The following JAKMIP3 variants were observed in gnomAD, a reference collection of about 807,000 sequenced individuals.
The protein encoded by JAKMIP3 is Janus kinase and microtubule interacting protein 3.
JAKMIP3 carries 58 observed loss-of-function variants against 118.5 expected under a neutral mutation model. The ratio of observed to expected loss-of-function variants is 0.49; its 90% CI spans 0.40 to 0.61. The LOEUF (loss-of-function observed/expected upper bound fraction) is 0.61. Among genes scored for constraint, JAKMIP3 ranks in the 20% least tolerant of loss-of-function variants. The probability of loss-of-function intolerance (pLI) is 0.00; values close to 1 mark genes in which losing one functional copy is unlikely to be tolerated. For synonymous variants in JAKMIP3, 486 were observed against 451.2 expected (o/e 1.08, Z -0.98); for missense variants, 950 against 1,109.0 (o/e 0.86, Z 2.04).
intron 9 of JAKMIP3, among the ~76,000 whole-genome samples, chr10:132,139,661 G>A (rs2053059671): frequency 6.6e-6 from 1 of 152,228 alleles, no homozygotes; most frequent in East Asian, 1.9e-4. Context: ...TCTGGGATTT[G>A]GAAGTGTCCA....
chr10:132,163,322 GCA>G lies in JAKMIP3; in HGVS notation c.2335_2336del (p.Gln779ValfsTer8). On this transcript the variant is annotated frameshift_variant, in exon 20 of 24. Coordinates refer to ENST00000684848, the MANE Select transcript of JAKMIP3 (RefSeq NM_001323087.2). LOFTEE classifies it high-confidence loss of function. ...EREKLKVAVE[Q>X]WKRQVMSELR... Reference sequence around the variant, plus strand: ...GCGAGAAGCTCAAGGTGGCCGTGGAGCAGTGGAAGCGCCAGGTCATGAGTGAG... The same window carrying G: ...GCGAGAAGCTCAAGGTGGCCGTGGAGGTGGAAGCGCCAGGTCATGAGTGAG... The G allele has an allele frequency of 6.2e-7, 1 of 1,609,556 alleles. No homozygotes were observed. Among genetic ancestry groups the G allele is most frequent in the Non-Finnish European group, 8.5e-7 (1 of 1,179,204 alleles).
At chr10:132,095,966 A>G (rs904298345) in intron 1 of JAKMIP3, among the ~76,000 whole-genome samples, 5 of 152,076 alleles carry the variant, frequency 3.3e-5, no homozygotes, top group Non-Finnish European at 7.4e-5. Context: ...CCGCCGGCAT[A>G]CTGTCCCATG....
intron 16 of JAKMIP3, among the ~76,000 whole-genome samples, chr10:132,151,129 C>T (rs2056109662): frequency 6.6e-6 from 1 of 152,094 alleles, no homozygotes; most frequent in Non-Finnish European, 1.5e-5. Context: ...TCCATCCTTC[C>T]TTCATCCTCC....
Position 132,180,751 on chromosome 10 carries a change from G to A in JAKMIP3, c.*1104-1606G>A, listed in dbSNP as rs573115600. Among the ~76,000 whole-genome samples, 9 of 24,654 alleles carry A rather than the reference G, an allele frequency of 3.7e-4. 1 individual carries two copies. Among genetic ancestry groups the A allele is most frequent in the African/African-American group, 1.9e-3 (8 of 4,108 alleles). The allele number at this position is 24,654 out of a possible 152,430, so 16.2% of individuals were successfully genotyped here. A position where few individuals can be genotyped will look rare whatever the true frequency, so the allele number is the denominator to read the frequency against. The stretch of plus-strand genomic sequence containing the variant: ...TGTGCGTGTGTGCGTGCGTGCGCGC[G>A]CGTGTGTGCGTGTGTGTGCGTGTGT... On this transcript the variant is annotated intron_variant, in intron 23 of 23. Coordinates refer to ENST00000684848, the MANE Select transcript of JAKMIP3 (RefSeq NM_001323087.2).
chr10:132,127,747 A>G lies in JAKMIP3; in HGVS notation c.634-5565A>G, dbSNP rs550674966. ...ATGGGGTTATCCCATGGGGTTATCC[A>G]ATCATTGTATGGGATTATCTCCTTT... is the stretch of plus-strand genomic sequence containing the variant. On this transcript the variant is annotated intron_variant, in intron 3 of 23. Coordinates refer to ENST00000684848, the MANE Select transcript of JAKMIP3 (RefSeq NM_001323087.2). 6.6e-5 allele frequency among the ~76,000 whole-genome samples: 10 copies of G among 152,148 alleles called. No individual in the cohort carries two copies. The South Asian group carries it at 2.1e-3, about 32-fold the overall frequency.
chr10:132,163,467 G>C, intron 20 of JAKMIP3, 55 bp downstream of exon 20: 1 of 1,487,984 alleles, frequency 6.7e-7, no homozygotes, highest in Non-Finnish European at 9.0e-7. Context: ...GACCTGCACA[G>C]AGCCAGGGGG....
chr10:132,130,464 C>T (rs905245949), intron 3 of JAKMIP3, among the ~76,000 whole-genome samples: 2 of 152,234 alleles, frequency 1.3e-5, no homozygotes, highest in Non-Finnish European at 2.9e-5. Flanking sequence ...AGAGTTGATG[C>T]GGAGGGAGGG....
intron 2 of JAKMIP3, among the ~76,000 whole-genome samples, chr10:132,109,093 C>CATAT (rs199571463): frequency 0.22 from 30,091 of 138,510 alleles, 4,465 homozygotes; most frequent in East Asian, 0.46. Flanking sequence ...TATACACACA[C>CATAT]ATATATATAT....
intron 1 of JAKMIP3, among the ~76,000 whole-genome samples, chr10:132,091,865 A>G (rs911377028): frequency 6.6e-6 from 1 of 152,160 alleles, no homozygotes; most frequent in African/African-American, 2.4e-5. Context: ...TCTTCCTAGC[A>G]TCGATGGTCT....
Position 132,112,171 on chromosome 10 carries a change from G to A in JAKMIP3, c.136-4906G>A, listed in dbSNP as rs1371424756. Among the ~76,000 whole-genome samples the A allele has an allele frequency of 6.6e-6, 1 of 152,138 alleles. No homozygotes were observed. The highest frequency in any genetic ancestry group is 2.4e-5 in the African/African-American group (1 of 41,436). ...GGGGCCGGAGGACATCAAGGACTCTGCGTGAGACAGGACACCGTGGAGCCT... is the reference window on the plus strand; with the variant it reads ...GGGGCCGGAGGACATCAAGGACTCTACGTGAGACAGGACACCGTGGAGCCT... On this transcript the variant is annotated intron_variant, in intron 2 of 23. Coordinates refer to ENST00000684848, the MANE Select transcript of JAKMIP3 (RefSeq NM_001323087.2). The surrounding 1 kb of genome is among the most constrained non-coding windows in gnomAD (Gnocchi z 4.3).
intron 1 of JAKMIP3, among the ~76,000 whole-genome samples, chr10:132,101,506 T>C (rs901820960): frequency 6.6e-6 from 1 of 152,224 alleles, no homozygotes; most frequent in Non-Finnish European, 1.5e-5. Flanking sequence ...AAAAAACTGC[T>C]TCATCTATTT....
chr10:132,066,776 C>G (rs1340239846), intron 1 of JAKMIP3, among the ~76,000 whole-genome samples: 2 of 152,144 alleles, frequency 1.3e-5, no homozygotes, highest in African/African-American at 4.8e-5. Flanking sequence ...TACAGTTGTT[C>G]AAAGAAAATC....
At position 132,139,332 on chromosome 10, in the gene JAKMIP3, TTGTA is replaced by T. The variant is rs1160203015; in HGVS notation, c.1345-1115_1345-1112del. Among the ~76,000 whole-genome samples the T allele has an allele frequency of 3.5e-3, 476 of 137,796 alleles. 7 individuals carry two copies. The highest frequency in any genetic ancestry group is 0.011 in the African/African-American group (394 of 35,212). The allele number at this position is 137,796 out of a possible 152,430, so 90.4% of individuals were successfully genotyped here. The stretch of plus-strand genomic sequence containing the variant: ...AGTGTGTATGTGTATGTGTGTGTGT[TTGTA>T]TGTGTGTACATGTGAGTGTATATGC... On this transcript the variant is annotated intron_variant, in intron 9 of 23. Transcript: ENST00000684848.
At position 132,118,594 on chromosome 10, in the gene JAKMIP3, G is replaced by A. The variant is rs759291971; in HGVS notation, c.633+1020G>A. On this transcript the variant is annotated intron_variant, in intron 3 of 23. Transcript: ENST00000684848. This position sits in a 1 kb window ranked among gnomAD's most constrained non-coding sequence, Gnocchi z 4.8. ...GTGGAACTCCCAGAGAGGGGCAGCC[G>A]CTCTCCACACCCACAGCCAGGAAGG... Among the ~76,000 whole-genome samples, 5 of 152,186 alleles carry A rather than the reference G, an allele frequency of 3.3e-5. No individual in the cohort carries two copies. The highest frequency in any genetic ancestry group is 1.9e-4 in the East Asian group (1 of 5,198).
intron 19 of JAKMIP3, among the ~76,000 whole-genome samples, chr10:132,160,116 CT>C (rs1406693500): frequency 8.8e-5 from 2 of 22,694 alleles, no homozygotes. Flanking sequence ...GCGGTGGCCT[CT>C]TCCTGTGTGA....
chr10:132,100,349 G>A (rs914410895), intron 1 of JAKMIP3, among the ~76,000 whole-genome samples: 3 of 152,208 alleles, frequency 2.0e-5, no homozygotes, highest in Non-Finnish European at 4.4e-5. Flanking sequence ...TGAAGCCCAT[G>A]CCACACCCAA....
intron 23 of JAKMIP3, among the ~76,000 whole-genome samples, chr10:132,180,656 T>TGTGC (rs1554963087): frequency 4.3e-4 from 7 of 16,336 alleles, no homozygotes; most frequent in African/African-American, 5.0e-4. Flanking sequence ...CGTGTGCGTG[T>TGTGC]GCGTGTGTGC....
intron 1 of JAKMIP3, among the ~76,000 whole-genome samples, chr10:132,056,292 C>A (rs2133829162): frequency 6.6e-6 from 1 of 152,282 alleles, no homozygotes; most frequent in Non-Finnish European, 1.5e-5. Flanking sequence ...TGGGTGCAGC[C>A]CATCCCCAGC....
At chr10:132,138,608 TTC>T (rs1159626222) in intron 9 of JAKMIP3, among the ~76,000 whole-genome samples, 2 of 152,372 alleles carry the variant, frequency 1.3e-5, no homozygotes, top group Non-Finnish European at 1.5e-5. Flanking sequence ...AAAGAAAATA[TTC>T]TGTTTATCAT....
Sources: gnomAD v4.1 joint callset for allele counts (sites outside exome capture counted in the v4.1 genomes callset) on GRCh38, gnomAD v4.1.1 for gene constraint, Gnocchi (gnomAD v3.1) non-coding constraint, MANE v1.5 for transcripts, NCBI Gene and HGNC (gene_info 2026-07-23, HGNC 2026-07-21) for gene names.